Variants in CDKAL1 observed in about 807,000 individuals in gnomAD.
The protein encoded by CDKAL1 is threonylcarbamoyladenosine tRNA methylthiotransferase.
A neutral mutation model predicts 68.2 loss-of-function variants in CDKAL1; 32 were observed. The ratio of observed to expected loss-of-function variants is 0.47; its 90% confidence interval spans 0.35 to 0.63. The LOEUF is 0.63. Among genes scored for constraint, CDKAL1 ranks in the 30% least tolerant of loss-of-function variants. CDKAL1 has a pLI of 0.00. For synonymous variants in CDKAL1, 234 were observed against 244.3 expected, an observed-to-expected ratio of 0.96 and a Z score of 0.39; for missense variants, 606 against 696.7, an observed-to-expected ratio of 0.87 and a Z score of 1.47.
intron 4 of CDKAL1, among the ~76,000 whole-genome samples, chr6:20,584,317 C>T (rs534638843): frequency 6.6e-6 from 1 of 152,090 alleles, no homozygotes; most frequent in Admixed American, 6.5e-5. Flanking sequence ...TGCTTAAAGG[C>T]AAGGGGGCTC....
chr6:21,006,450 T>C (rs1320934329), intron 11 of CDKAL1, among the ~76,000 whole-genome samples: 1 of 152,226 alleles, frequency 6.6e-6, no homozygotes. Flanking sequence ...TGGCTTTATG[T>C]CATCATTTCT....
chr6:20,848,279 G>GTTTTTTTGGTTTTTTTTTTTTTTT (rs753304984), intron 9 of CDKAL1, among the ~76,000 whole-genome samples: 1 of 62,286 alleles, frequency 1.6e-5, no homozygotes. Context: ...CTGGAAAGTT[G>GTTTTTTTGGTTTTTTTTTTTTTTT]TTTTTTTTTT....
chr6:20,800,237 A>G (rs1245747989), intron 8 of CDKAL1, among the ~76,000 whole-genome samples: 1 of 152,240 alleles, frequency 6.6e-6, no homozygotes, highest in Admixed American at 6.5e-5. Context: ...AGTGTGAGAT[A>G]GGGTTACAAT....
At chr6:21,041,190 C>A (rs1769904595) in intron 11 of CDKAL1, among the ~76,000 whole-genome samples, 1 of 152,124 alleles carries the variant, frequency 6.6e-6, no homozygotes, top group Non-Finnish European at 1.5e-5. Flanking sequence ...TTATTGACTT[C>A]TATATACAAC....
intron 4 of CDKAL1, 58 bp downstream of exon 4, chr6:20,548,763 G>A: frequency 1.3e-6 from 1 of 769,004 alleles, no homozygotes; most frequent in Non-Finnish European, 2.2e-6. Context: ...AGCTTTTAGA[G>A]ATAAATAGCC....
At chr6:20,820,499 G>A (rs557148445) in intron 8 of CDKAL1, among the ~76,000 whole-genome samples, 1 of 152,116 alleles carries the variant, frequency 6.6e-6, no homozygotes, top group Non-Finnish European at 1.5e-5. Context: ...AAAATACCAG[G>A]TTGGAATTCT....
chr6:21,172,383 G>A (rs540147453), intron 13 of CDKAL1, among the ~76,000 whole-genome samples: 2 of 152,268 alleles, frequency 1.3e-5, no homozygotes, highest in South Asian at 4.1e-4. Flanking sequence ...AATCTAGTGG[G>A]ATCATTTTCT....
chr6:20,834,759 G>A (rs935502404), intron 8 of CDKAL1, among the ~76,000 whole-genome samples: 2 of 152,116 alleles, frequency 1.3e-5, no homozygotes, highest in African/African-American at 4.8e-5. Context: ...GAAATTTAAG[G>A]CATTAGCTTA....
intron 13 of CDKAL1, among the ~76,000 whole-genome samples, chr6:21,139,510 C>T (rs538626031): frequency 2.6e-5 from 4 of 151,842 alleles, no homozygotes; most frequent in African/African-American, 9.7e-5. Context: ...TGTGCCTTTC[C>T]TTTCTTGCCT....
chr6:20,942,953 C>CA (rs70990084), intron 9 of CDKAL1, among the ~76,000 whole-genome samples: 40,456 of 113,112 alleles, frequency 0.36, 7,052 homozygotes, highest in Middle Eastern at 0.47. Context: ...GATTCTGTCT[C>CA]AAAAAAAAAA....
intron 9 of CDKAL1, among the ~76,000 whole-genome samples, chr6:20,869,395 A>G (rs547866941): frequency 7.2e-5 from 11 of 152,346 alleles, no homozygotes; most frequent in Admixed American, 7.2e-4. Context: ...AGTATAATTT[A>G]AAGAGTAAAT....
At chr6:21,116,459 C>T (rs1397182934) in intron 13 of CDKAL1, among the ~76,000 whole-genome samples, 2 of 152,204 alleles carry the variant, frequency 1.3e-5, no homozygotes, top group Non-Finnish European at 2.9e-5. Context: ...TTTATACCAA[C>T]ATTCTAAGGT....
intron 4 of CDKAL1, among the ~76,000 whole-genome samples, chr6:20,603,543 A>G (rs1272689690): frequency 6.6e-6 from 1 of 152,080 alleles, no homozygotes; most frequent in Non-Finnish European, 1.5e-5. Flanking sequence ...TGAAGAAGAA[A>G]ATTTGAGCCT....
intron 10 of CDKAL1, among the ~76,000 whole-genome samples, chr6:20,998,514 G>A (rs1383507688): frequency 1.3e-5 from 2 of 152,108 alleles, no homozygotes; most frequent in Admixed American, 6.5e-5. Context: ...TGGACGCTTA[G>A]GCAGGAGAAT....
intron 12 of CDKAL1, among the ~76,000 whole-genome samples, chr6:21,082,141 G>A (rs1242764270): frequency 6.6e-6 from 1 of 152,110 alleles, no homozygotes; most frequent in Non-Finnish European, 1.5e-5. Context: ...CATTCAAATG[G>A]ACAAAAATGT....
intron 12 of CDKAL1, among the ~76,000 whole-genome samples, chr6:21,078,612 A>G (rs972224351): frequency 1.3e-4 from 20 of 151,840 alleles, no homozygotes; most frequent in Admixed American, 1.1e-3. Context: ...ATTCCTTCCA[A>G]CTCACTCTTT....
At chr6:20,847,047 T>A (rs1014227862) in intron 9 of CDKAL1, among the ~76,000 whole-genome samples, 1 of 152,126 alleles carries the variant, frequency 6.6e-6, no homozygotes, top group African/African-American at 2.4e-5. Flanking sequence ...TCCAAATTCA[T>A]TTTTTTGTTT....
intron 12 of CDKAL1, among the ~76,000 whole-genome samples, chr6:21,106,308 C>A (rs1000534609): frequency 6.6e-5 from 10 of 152,198 alleles, no homozygotes; most frequent in African/African-American, 2.4e-4. Flanking sequence ...TTTGCGAGGA[C>A]AAACTGTGTA....
At chr6:20,990,481 T>C (rs1766735088) in intron 10 of CDKAL1, among the ~76,000 whole-genome samples, 1 of 152,256 alleles carries the variant, frequency 6.6e-6, no homozygotes. Flanking sequence ...TGTCTCAACC[T>C]GTTTTAGCAC....
Sources: gnomAD v4.1 joint callset for allele counts (sites outside exome capture counted in the v4.1 genomes callset) on GRCh38, gnomAD v4.1.1 for gene constraint, MANE v1.5 for transcripts, NCBI Gene and HGNC (gene_info 2026-07-23, HGNC 2026-07-21) for gene names.